TMEM62: variants seen among roughly 807,000 people sequenced by gnomAD.
TMEM62 encodes the protein transmembrane protein 62.
A neutral mutation model predicts 70.4 loss-of-function variants in TMEM62; 41 were observed. The observed-to-expected ratio is 0.58, with a 90% CI of 0.45 to 0.76. The LOEUF is 0.76. TMEM62 is among the 30% of genes least tolerant of loss of function. TMEM62 has a pLI of 0.00. For missense variants in TMEM62, 688 were observed against 788.5 expected (o/e 0.87, Z 1.53); for synonymous variants, 268 against 291.0 (o/e 0.92, Z 0.80).
intron 7 of TMEM62, among the ~76,000 whole-genome samples, chr15:43,150,903 A>G (rs964125883): frequency 2.3e-4 from 35 of 152,372 alleles, no homozygotes; most frequent in African/African-American, 7.7e-4. Flanking sequence ...CGTGAGCACT[A>G]TTGTTTCTGC....
intron 11 of TMEM62, among the ~76,000 whole-genome samples, chr15:43,178,028 T>C (rs1282173427): frequency 6.6e-6 from 1 of 151,956 alleles, no homozygotes; most frequent in African/African-American, 2.4e-5. Context: ...AACTGTATAA[T>C]GTATAGGAAA....
chr15:43,151,966 A>G, intron 8 of TMEM62, 21 bp downstream of exon 8: 1 of 1,570,636 alleles, frequency 6.4e-7, no homozygotes, highest in Admixed American at 1.9e-5. Context: ...ATTTTTTAGA[A>G]TTTACTTTCA....
At chr15:43,171,853 T>C (rs575055084) in intron 11 of TMEM62, among the ~76,000 whole-genome samples, 220 of 151,960 alleles carry the variant, frequency 1.4e-3, no homozygotes, top group Admixed American at 4.8e-3. Context: ...GGTCTCAATC[T>C]CCTAACATCA....
chr15:43,136,023 C>T (rs559224876), intron 3 of TMEM62, among the ~76,000 whole-genome samples: 3 of 152,192 alleles, frequency 2.0e-5, no homozygotes, highest in African/African-American at 7.2e-5. Flanking sequence ...TGCTATCCCT[C>T]CCCCTGCCCC....
Position 43,154,495 on chromosome 15 carries a change from A to T in TMEM62, c.1023-177A>T, listed in dbSNP as rs140837770. Among the ~76,000 whole-genome samples the T allele has an allele frequency of 3.7e-4, 57 of 152,322 alleles. 1 individual carries two copies. The highest frequency in any genetic ancestry group is 1.3e-3 in the African/African-American group (56 of 41,580). On this transcript the variant is annotated intron_variant, in intron 8 of 13. Transcript: ENST00000260403. ...CCAGTTCAGTTTTGCTAATTGTCCA[A>T]CTCCAGAAGCCACCATTCGGAAAGA...
At chr15:43,177,081 G>A (rs1176687530) in intron 11 of TMEM62, among the ~76,000 whole-genome samples, 1 of 152,034 alleles carries the variant, frequency 6.6e-6, no homozygotes, top group Non-Finnish European at 1.5e-5. Context: ...GGAAGAAAGG[G>A]TATCAGCGAT....
At position 43,173,534 on chromosome 15, in the gene TMEM62, C is replaced by G. The variant is rs186360247; in HGVS notation, c.1381+3857C>G. Among the ~76,000 whole-genome samples the G allele has an allele frequency of 4.0e-3, 615 of 152,278 alleles. 3 individuals carry two copies. The highest frequency in any genetic ancestry group is 6.1e-3 in the Non-Finnish European group (418 of 68,014). On this transcript the variant is annotated intron_variant, in intron 11 of 13. Coordinates refer to ENST00000260403, the MANE Select transcript of TMEM62 (RefSeq NM_024956.4). The stretch of plus-strand genomic sequence containing the variant: ...TTCAACCAGTTACCTGTATTTTAGC[C>G]TAGATACTTTTTCACTGTTCCCTAT...
chr15:43,178,792 G>A, intron 12 of TMEM62, 81 bp downstream of exon 12: 1 of 774,592 alleles, frequency 1.3e-6, no homozygotes, highest in Non-Finnish European at 2.0e-6. Context: ...GACTCTTGAG[G>A]GTATAACAAA....
chr15:43,155,343 A>G (rs1296232479), intron 9 of TMEM62, among the ~76,000 whole-genome samples: 1 of 152,068 alleles, frequency 6.6e-6, no homozygotes, highest in Non-Finnish European at 1.5e-5. Context: ...CAAAAAAATA[A>G]AAGTTAGCTG....
intron 11 of TMEM62, among the ~76,000 whole-genome samples, chr15:43,173,152 C>T (rs760270274): frequency 3.3e-5 from 5 of 152,204 alleles, no homozygotes; most frequent in Admixed American, 1.3e-4. Flanking sequence ...GCCAAGACTG[C>T]GCCACTGCAC....
intron 10 of TMEM62, among the ~76,000 whole-genome samples, chr15:43,161,655 T>C (rs2038716740): frequency 1.3e-5 from 2 of 152,144 alleles, no homozygotes; most frequent in African/African-American, 4.8e-5. Flanking sequence ...GTTTGTTTGC[T>C]TGTTTGTTTT....
At chr15:43,143,731 CACAAATGTGA>C (rs1486989575) in intron 4 of TMEM62, among the ~76,000 whole-genome samples, 1 of 152,134 alleles carries the variant, frequency 6.6e-6, no homozygotes, top group Admixed American at 6.5e-5. Flanking sequence ...CTTTATTTGT[CACAAATGTGA>C]AAAGGCAAGG....
In TMEM62 at chr15:43,148,834, C is replaced by T; in HGVS notation, c.698C>T (p.Thr233Ile). ...NHTIWFGHFT[T>I]STILSPSPGI... ...ACAATTTGGTTTGGACACTTTACAA[C>T]ATCCACTATTCTTTCTCCATCACCA... Residue 233 changes from threonine (T) to isoleucine (I), a missense_variant, in exon 6 of 14, where the codon ACA (threonine) becomes ATA (isoleucine). Physicochemically the swap from Thr to Ile is moderately conservative, Grantham distance 89. Transcript: ENST00000260403. 1 of 1,614,156 alleles carries T rather than the reference C, an allele frequency of 6.2e-7. No individual in the cohort carries two copies. The highest frequency in any genetic ancestry group is 1.1e-5 in the South Asian group (1 of 91,074).
chr15:43,171,336 TAA>T (rs74525020), intron 11 of TMEM62, among the ~76,000 whole-genome samples: 22 of 138,926 alleles, frequency 1.6e-4, no homozygotes, highest in East Asian at 2.1e-4. Context: ...ACTCTGTCCT[TAA>T]AAAAAAAAAA....
chr15:43,152,069 TTATA>T, intron 8 of TMEM62, 124 bp downstream of exon 8: 1 of 569,710 alleles, frequency 1.8e-6, no homozygotes, highest in East Asian at 3.1e-5. Flanking sequence ...AACCTAAACA[TTATA>T]TAAAGATAGA....
intron 9 of TMEM62, among the ~76,000 whole-genome samples, chr15:43,160,145 T>G (rs1265935985): frequency 6.6e-6 from 1 of 151,970 alleles, no homozygotes; most frequent in Non-Finnish European, 1.5e-5. Context: ...ATTTTTGTAT[T>G]TTTAGTAGAG....
intron 4 of TMEM62, among the ~76,000 whole-genome samples, chr15:43,140,038 A>G (rs1191644991): frequency 6.6e-6 from 1 of 152,176 alleles, no homozygotes; most frequent in Non-Finnish European, 1.5e-5. Flanking sequence ...GCTTCAAAGG[A>G]TGGGCTGACT....
In TMEM62 at chr15:43,184,771, A is replaced by G. The variant is rs2041738562; in HGVS notation, c.*185A>G. On this transcript the variant is annotated 3_prime_UTR_variant, in exon 14 of 14. Transcript: ENST00000260403. ...CTGATACCTGCAGAATGGACTGCAG[A>G]AAAGTCTCAAAAATAATGCCTTTAT... 1.7e-6 allele frequency: 1 copy of G among 596,630 alleles called. No homozygotes were observed. The highest frequency in any genetic ancestry group is 3.0e-6 in the Non-Finnish European group (1 of 338,324). 37.0% of individuals were successfully genotyped at this position (596,630 alleles called of 1,614,324 possible).
Position 43,163,689 on chromosome 15 carries a change from G to T in TMEM62, c.1296+2895G>T, listed in dbSNP as rs373031916. Among the ~76,000 whole-genome samples the T allele has an allele frequency of 9.9e-5, 15 of 152,208 alleles. No homozygotes were observed. The East Asian group carries it at 2.5e-3, about 25-fold the overall frequency. ...CCCAGCTACTTGGGAGGCTGAGGCA[G>T]GAGAATGGCGTGAACCCGGGAGGCG... On this transcript the variant is annotated intron_variant, in intron 10 of 13. Coordinates refer to ENST00000260403, the MANE Select transcript of TMEM62 (RefSeq NM_024956.4).
Sources: allele counts gnomAD v4.1 joint callset (sites outside exome capture counted in the v4.1 genomes callset), GRCh38; gene constraint gnomAD v4.1.1; transcripts MANE v1.5; gene names NCBI Gene and HGNC (gene_info 2026-07-23, HGNC 2026-07-21).